The following RALA variants were observed in gnomAD, a reference collection of about 807,000 sequenced individuals.
RALA encodes the protein ras-related protein Ral-A.
Under a neutral mutation model 24.0 loss-of-function variants are expected in RALA, and 5 were observed. The observed-to-expected ratio is 0.21, with a 90% confidence interval of 0.11 to 0.44. The LOEUF is 0.44. Ranked by LOEUF, RALA falls within the 20% of genes least tolerant of loss-of-function variation. The pLI is 0.99. For missense variants in RALA, 95 were observed against 241.2 expected (o/e 0.39, Z 4.01); for synonymous variants, 77 against 83.8 (o/e 0.92, Z 0.44).
intron 1 of RALA, among the ~76,000 whole-genome samples, chr7:39,663,147 A>G (rs1179560300): frequency 6.6e-6 from 1 of 152,238 alleles, no homozygotes; most frequent in South Asian, 2.1e-4. Flanking sequence ...CTACAATTCA[A>G]GATGAGATTG....
At chr7:39,699,667 A>G (rs1171537515) in intron 4 of RALA, among the ~76,000 whole-genome samples, 1 of 152,250 alleles carries the variant, frequency 6.6e-6, no homozygotes, top group African/African-American at 2.4e-5. Context: ...GAAACAAAGT[A>G]CAGAGTGGTG....
At chr7:39,636,786 A>G (rs765421688) in intron 1 of RALA, among the ~76,000 whole-genome samples, 17 of 152,224 alleles carry the variant, frequency 1.1e-4, no homozygotes, top group Non-Finnish European at 2.5e-4. Context: ...GAGACTTACA[A>G]TCATGGCGGA....
Position 39,702,429 on chromosome 7 carries a change from C to T in RALA, c.499-3694C>T, listed in dbSNP as rs1246831430. 5.3e-5 allele frequency among the ~76,000 whole-genome samples: 8 copies of T among 152,246 alleles called. No homozygotes were observed. The East Asian group carries it at 1.4e-3, about 26-fold the overall frequency. Reference sequence around the variant, plus strand: ...ATATAGAGCATATTTCTGTGGTGCGCTTTTTAAATTTTATGACAAATCCTA... The same window carrying T: ...ATATAGAGCATATTTCTGTGGTGCGTTTTTTAAATTTTATGACAAATCCTA... On this transcript the variant is annotated intron_variant, in intron 4 of 4. Coordinates refer to ENST00000005257, the MANE Select transcript of RALA (RefSeq NM_005402.4).
At chr7:39,641,405 A>G (rs893394760) in intron 1 of RALA, among the ~76,000 whole-genome samples, 1 of 152,176 alleles carries the variant, frequency 6.6e-6, no homozygotes, top group African/African-American at 2.4e-5. Context: ...CCACCTCCCA[A>G]GGAAGGGAGG....
chr7:39,624,103 G>A (rs2115894449), intron 1 of RALA: 1 of 152,148 alleles, frequency 6.6e-6, no homozygotes, highest in East Asian at 1.9e-4. Flanking sequence ...TCGTCCGAAG[G>A]TCACCCCGCA....
At position 39,664,464 on chromosome 7, in the gene RALA, C is replaced by T. The variant is rs117210877; in HGVS notation, c.-37-22167C>T. Among the ~76,000 whole-genome samples, 551 of 152,208 alleles carry T rather than the reference C, an allele frequency of 3.6e-3. 2 individuals are homozygous for T. The highest frequency in any genetic ancestry group is 6.2e-3 in the Non-Finnish European group (424 of 68,014). ...CTGGCCACCCCAAACCCTATGAGGTCGAAACTGAAGGCACTGAAGTAGTCT... is the reference window on the plus strand; with the variant it reads ...CTGGCCACCCCAAACCCTATGAGGTTGAAACTGAAGGCACTGAAGTAGTCT... On this transcript the variant is annotated intron_variant, in intron 1 of 4. Coordinates refer to ENST00000005257, the MANE Select transcript of RALA (RefSeq NM_005402.4).
At chr7:39,686,205 CAAAAA>C (rs35214885) in intron 1 of RALA, among the ~76,000 whole-genome samples, 1 of 93,122 alleles carries the variant, frequency 1.1e-5, no homozygotes. Context: ...GACTCCGTCT[CAAAAA>C]AAAAAAAAAA....
chr7:39,699,545 A>C (rs1011435394), intron 4 of RALA, among the ~76,000 whole-genome samples: 1 of 152,248 alleles, frequency 6.6e-6, no homozygotes, highest in Non-Finnish European at 1.5e-5. Context: ...GAAATATCCA[A>C]GTGTTCAGTA....
intron 1 of RALA, among the ~76,000 whole-genome samples, chr7:39,631,011 G>GTTT (rs70996823): frequency 7.2e-6 from 1 of 139,238 alleles, no homozygotes; most frequent in Admixed American, 7.1e-5. Context: ...TTTTGTTTTT[G>GTTT]TTTTTTTTTT....
intron 1 of RALA, among the ~76,000 whole-genome samples, chr7:39,644,254 C>T (rs114448880): frequency 3.1e-3 from 474 of 150,936 alleles, no homozygotes; most frequent in African/African-American, 0.011. Flanking sequence ...ATAAGATACT[C>T]AGTAGGTATT....
intron 1 of RALA, among the ~76,000 whole-genome samples, chr7:39,666,380 C>CA (rs1179094527): frequency 3.3e-5 from 5 of 152,198 alleles, no homozygotes; most frequent in Middle Eastern, 6.8e-3. Context: ...GTGATGAACT[C>CA]AAATGGTAGG....
intron 2 of RALA, among the ~76,000 whole-genome samples, chr7:39,687,031 C>G (rs1792716756): frequency 6.6e-6 from 1 of 151,996 alleles, no homozygotes; most frequent in Non-Finnish European, 1.5e-5. Flanking sequence ...AGTAATCTAA[C>G]TTTAGCTTTT....
At chr7:39,636,969 G>C (rs975283904) in intron 1 of RALA, among the ~76,000 whole-genome samples, 2 of 152,198 alleles carry the variant, frequency 1.3e-5, no homozygotes, top group Admixed American at 1.3e-4. Flanking sequence ...TCCATCCCCT[G>C]ATGTGGGGAT....
At chr7:39,675,334 T>G (rs73689257) in intron 1 of RALA, among the ~76,000 whole-genome samples, 4,400 of 152,308 alleles carry the variant, frequency 0.029, 222 homozygotes, top group African/African-American at 0.099. Flanking sequence ...TTTCTACTTG[T>G]GGCATCATGT....
intron 1 of RALA, among the ~76,000 whole-genome samples, chr7:39,669,697 T>C (rs1792348735): frequency 6.6e-6 from 1 of 151,850 alleles, no homozygotes; most frequent in Non-Finnish European, 1.5e-5. Context: ...TCCCAACTAC[T>C]CAGGAGGCTG....
At chr7:39,637,284 A>AT (rs996318924) in intron 1 of RALA, among the ~76,000 whole-genome samples, 5 of 151,960 alleles carry the variant, frequency 3.3e-5, no homozygotes, top group African/African-American at 1.2e-4. Context: ...AGTGTGACTA[A>AT]TTTTTTTTAA....
chr7:39,650,750 A>C (rs1180998555), intron 1 of RALA, among the ~76,000 whole-genome samples: 2 of 152,238 alleles, frequency 1.3e-5, no homozygotes, highest in Non-Finnish European at 2.9e-5. Context: ...GTGGGTCAGC[A>C]ATGTGAAAGC....
At chr7:39,649,952 G>T (rs1400776067) in intron 1 of RALA, among the ~76,000 whole-genome samples, 2 of 152,260 alleles carry the variant, frequency 1.3e-5, no homozygotes, top group Non-Finnish European at 2.9e-5. Context: ...GGATTTAGCA[G>T]TGTGGAGGTG....
At chr7:39,638,166 A>G (rs1791716931) in intron 1 of RALA, among the ~76,000 whole-genome samples, 1 of 152,152 alleles carries the variant, frequency 6.6e-6, no homozygotes, top group East Asian at 1.9e-4. Context: ...TGGTGTGATC[A>G]CAGCTCACTC....
Sources: allele counts gnomAD v4.1 joint callset (sites outside exome capture counted in the v4.1 genomes callset), GRCh38; gene constraint gnomAD v4.1.1; transcripts MANE v1.5; gene names NCBI Gene and HGNC (gene_info 2026-07-23, HGNC 2026-07-21).